The following MECOM variants were observed in gnomAD, a reference collection of about 807,000 sequenced individuals.
MECOM encodes the protein histone-lysine N-methyltransferase MECOM.
In MECOM, 13 loss-of-function variants were observed where a neutral mutation model predicts 116.3. The observed-to-expected ratio is 0.11, with a 90% CI of 0.07 to 0.18. The LOEUF (loss-of-function observed/expected upper bound fraction) is 0.18, where lower values mean the gene tolerates loss of function less well. Ranked by LOEUF, MECOM falls within the 10% of genes least tolerant of loss-of-function variation. The probability of loss-of-function intolerance (pLI) is 1.00; values close to 1 mark genes in which losing one functional copy is unlikely to be tolerated. For synonymous variants in MECOM, 528 were observed against 535.2 expected (o/e 0.99, Z 0.19); for missense variants, 1,299 against 1,509.0 (o/e 0.86, Z 2.31).
chr3:169,394,546 G>C (rs968324418), intron 1 of MECOM, among the ~76,000 whole-genome samples: 1 of 152,170 alleles, frequency 6.6e-6, no homozygotes, highest in African/African-American at 2.4e-5. Context: ...CCTTGGAGAG[G>C]TAATGACTTT....
rs190922096 is a variant in MECOM, at chr3:169,271,035, T to C, written c.375+110152A>G. Among the ~76,000 whole-genome samples, 226 of 152,322 alleles carry C rather than the reference T, an allele frequency of 1.5e-3. 1 individual carries two copies. Among genetic ancestry groups the C allele is most frequent in the African/African-American group, 5.2e-3 (216 of 41,564 alleles). ...ATACAATTTTCCCTGGCCTGAGCACTTCACTCCACGTAGACAGTAACAAAG... is the reference window on the plus strand; with the variant it reads ...ATACAATTTTCCCTGGCCTGAGCACCTCACTCCACGTAGACAGTAACAAAG... On this transcript the variant is annotated intron_variant, in intron 2 of 16. Transcript: ENST00000651503.
At chr3:169,132,433 C>G (rs1421314553) in intron 3 of MECOM, among the ~76,000 whole-genome samples, 2 of 152,008 alleles carry the variant, frequency 1.3e-5, no homozygotes, top group Non-Finnish European at 2.9e-5. Flanking sequence ...TTTAAAAAAG[C>G]TTTTAAGCAT....
chr3:169,446,177 C>T (rs1012296092), intron 1 of MECOM, among the ~76,000 whole-genome samples: 3 of 152,050 alleles, frequency 2.0e-5, no homozygotes, highest in Non-Finnish European at 4.4e-5. Flanking sequence ...TTTGGAGGGG[C>T]CATGGGTGGA....
intron 2 of MECOM, among the ~76,000 whole-genome samples, chr3:169,314,355 AT>A (rs1280889095): frequency 6.6e-6 from 1 of 152,218 alleles, no homozygotes; most frequent in African/African-American, 2.4e-5. Context: ...ATCCATGATC[AT>A]TTATCTCTAA....
chr3:169,412,285 C>CA (rs10687946), intron 1 of MECOM, among the ~76,000 whole-genome samples: 9,425 of 104,660 alleles, frequency 0.09, 419 homozygotes, highest in African/African-American at 0.17. Flanking sequence ...GACTCTGTCT[C>CA]AAAAAAAAAA....
intron 1 of MECOM, among the ~76,000 whole-genome samples, chr3:169,652,073 C>T (rs1298121322): frequency 1.3e-5 from 2 of 151,744 alleles, no homozygotes; most frequent in Non-Finnish European, 2.9e-5. Flanking sequence ...AATAAACATG[C>T]TAAGGTGAAT....
intron 1 of MECOM, among the ~76,000 whole-genome samples, chr3:169,621,915 AG>A (rs1347802881): frequency 6.6e-6 from 1 of 152,172 alleles, no homozygotes; most frequent in African/African-American, 2.4e-5. Context: ...AGGAGAGGTA[AG>A]GCAAAACCCT....
At chr3:169,643,685 A>T (rs557104935) in intron 1 of MECOM, among the ~76,000 whole-genome samples, 44 of 152,368 alleles carry the variant, frequency 2.9e-4, no homozygotes, top group African/African-American at 1.0e-3. Flanking sequence ...AACTGAGGGC[A>T]TCATGACAAC....
intron 12 of MECOM, among the ~76,000 whole-genome samples, chr3:169,099,563 C>T (rs1722868636): frequency 6.6e-6 from 1 of 152,070 alleles, no homozygotes; most frequent in African/African-American, 2.4e-5. Context: ...TAGCTTTCTT[C>T]TAAGATTTCA....
At chr3:169,418,158 A>G (rs944121693) in intron 1 of MECOM, among the ~76,000 whole-genome samples, 2 of 151,940 alleles carry the variant, frequency 1.3e-5, no homozygotes, top group Non-Finnish European at 2.9e-5. Flanking sequence ...GAAGAAATGG[A>G]TAAGTTCCTG....
chr3:169,182,481 A>G (rs911575237), intron 2 of MECOM, among the ~76,000 whole-genome samples: 1 of 152,232 alleles, frequency 6.6e-6, no homozygotes, highest in African/African-American at 2.4e-5. Context: ...AAAGCAGCAA[A>G]GCAAGTTGTG....
At chr3:169,112,640 T>C in intron 9 of MECOM, 147 bp downstream of exon 9, 1 of 654,740 alleles carries the variant, frequency 1.5e-6, no homozygotes, top group Non-Finnish European at 2.6e-6. Context: ...GTTTGGGTTT[T>C]AATTCTGCTA....
At chr3:169,395,081 C>A (rs1350526451) in intron 1 of MECOM, among the ~76,000 whole-genome samples, 2 of 152,126 alleles carry the variant, frequency 1.3e-5, no homozygotes, top group Admixed American at 6.6e-5. Context: ...ACAACTGCAA[C>A]AAAGTTGCAT....
chr3:169,411,812 G>A (rs1737600692), intron 1 of MECOM, among the ~76,000 whole-genome samples: 2 of 151,706 alleles, frequency 1.3e-5, no homozygotes, highest in South Asian at 2.1e-4. Flanking sequence ...CCGACATGGC[G>A]AGACATTGTC....
At chr3:169,324,593 G>A (rs931097425) in intron 2 of MECOM, among the ~76,000 whole-genome samples, 13 of 152,200 alleles carry the variant, frequency 8.5e-5, no homozygotes, top group African/African-American at 2.9e-4. Context: ...TTTCGGCAAC[G>A]TGCCAAAGTC....
intron 2 of MECOM, among the ~76,000 whole-genome samples, chr3:169,299,399 T>C (rs1716282978): frequency 6.6e-6 from 1 of 152,184 alleles, no homozygotes; most frequent in South Asian, 2.1e-4. Context: ...CTTCCTCACC[T>C]GATTCTACCA....
At chr3:169,540,074 C>G (rs570844729) in intron 1 of MECOM, among the ~76,000 whole-genome samples, 1 of 152,258 alleles carries the variant, frequency 6.6e-6, no homozygotes, top group South Asian at 2.1e-4. Context: ...TGTACGCTCT[C>G]TCTTCCTGTG....
chr3:169,155,608 A>AT (rs2149335619), intron 2 of MECOM, among the ~76,000 whole-genome samples: 1 of 152,308 alleles, frequency 6.6e-6, no homozygotes, highest in African/African-American at 2.4e-5. Context: ...CAGAAGAAAA[A>AT]CCGCACTAAC....
intron 1 of MECOM, among the ~76,000 whole-genome samples, chr3:169,588,469 G>T (rs1766019267): frequency 6.6e-6 from 1 of 152,076 alleles, no homozygotes. Flanking sequence ...TAAGTGACAT[G>T]GTGGCCAGAA....
Sources: gnomAD v4.1 joint callset for allele counts (sites outside exome capture counted in the v4.1 genomes callset) on GRCh38, gnomAD v4.1.1 for gene constraint, MANE v1.5 for transcripts, NCBI Gene and HGNC (gene_info 2026-07-23, HGNC 2026-07-21) for gene names.